DARS1: variants seen among roughly 807,000 people sequenced by gnomAD.
DARS1 encodes aspartate--tRNA ligase, cytoplasmic.
Under a neutral mutation model 68.8 loss-of-function variants are expected in DARS1, and 51 were observed. The observed-to-expected ratio is 0.74, with a 90% CI of 0.59 to 0.94. The LOEUF is 0.94. Ranked by LOEUF, DARS1 falls within the 40% of genes least tolerant of loss-of-function variation. The pLI, the probability that DARS1 is intolerant of heterozygous loss-of-function variation, is 0.00. For synonymous variants in DARS1, 203 were observed against 190.4 expected (o/e 1.07, Z -0.55); for missense variants, 607 against 597.3 (o/e 1.02, Z -0.17).
chr2:135,972,175 A>C (rs1303538890), intron 3 of DARS1, among the ~76,000 whole-genome samples: 1 of 152,202 alleles, frequency 6.6e-6, no homozygotes, highest in African/African-American at 2.4e-5. Context: ...ACTTACCTTC[A>C]AATTATACTA....
At chr2:135,973,715 T>C (rs1243583891) in intron 3 of DARS1, among the ~76,000 whole-genome samples, 1 of 151,022 alleles carries the variant, frequency 6.6e-6, no homozygotes, top group African/African-American at 2.4e-5. Flanking sequence ...AAATAAAAAA[T>C]AAAAATTAGC....
intron 4 of DARS1, among the ~76,000 whole-genome samples, chr2:135,951,990 C>T (rs1449386733): frequency 6.6e-6 from 1 of 152,194 alleles, no homozygotes; most frequent in African/African-American, 2.4e-5. Context: ...CCTGTAGTCC[C>T]TGCACTTTGG....
intron 4 of DARS1, among the ~76,000 whole-genome samples, chr2:135,953,414 T>A (rs1234942676): frequency 2.0e-5 from 3 of 152,224 alleles, no homozygotes; most frequent in Non-Finnish European, 4.4e-5. Flanking sequence ...ATTTTCAACA[T>A]CAGTGGCATA....
At chr2:135,921,964 T>C (rs759599892) in intron 9 of DARS1, among the ~76,000 whole-genome samples, 88 of 152,220 alleles carry the variant, frequency 5.8e-4, no homozygotes, top group Non-Finnish European at 6.3e-4. Context: ...AGCAAGTATT[T>C]AATTTTTATT....
intron 3 of DARS1, among the ~76,000 whole-genome samples, chr2:135,977,175 A>C (rs1682519862): frequency 6.6e-6 from 1 of 152,230 alleles, no homozygotes; most frequent in African/African-American, 2.4e-5. Flanking sequence ...TGCACCAAGC[A>C]TAGAGCTAAA....
intron 5 of DARS1, among the ~76,000 whole-genome samples, chr2:135,934,511 A>C (rs1334180942): frequency 6.6e-6 from 1 of 152,024 alleles, no homozygotes; most frequent in Non-Finnish European, 1.5e-5. Flanking sequence ...AATCCCAGCT[A>C]CTTGGGTGGC....
intron 4 of DARS1, among the ~76,000 whole-genome samples, chr2:135,946,593 G>A (rs1395153418): frequency 6.6e-6 from 1 of 152,168 alleles, no homozygotes; most frequent in East Asian, 1.9e-4. Context: ...CACTGGGGTA[G>A]AGAACAAGAA....
intron 4 of DARS1, among the ~76,000 whole-genome samples, chr2:135,952,458 C>T (rs900232190): frequency 6.6e-6 from 1 of 152,136 alleles, no homozygotes; most frequent in Non-Finnish European, 1.5e-5. Flanking sequence ...TTGAAATATG[C>T]AATATTGTTA....
In DARS1 at chr2:135,962,303, T is replaced by C. The variant is rs189938650; in HGVS notation, c.218-805A>G. On this transcript the variant is annotated intron_variant, in intron 3 of 15. Transcript: ENST00000264161. The stretch of plus-strand genomic sequence containing the variant: ...TTATTATGTATCCTTGTGACATCCC[T>C]TTTTCCTCCAAAGCAGATCCTTCTT... 2.7e-3 allele frequency among the ~76,000 whole-genome samples: 416 copies of C among 152,310 alleles called. 4 individuals carry two copies. Among genetic ancestry groups the C allele is most frequent in the South Asian group, 0.015 (74 of 4,826 alleles).
At chr2:135,936,943 G>C (rs1681484573) in intron 5 of DARS1, among the ~76,000 whole-genome samples, 1 of 152,182 alleles carries the variant, frequency 6.6e-6, no homozygotes. Flanking sequence ...ATCAGGGCGG[G>C]AAGAGGCCAT....
At chr2:135,942,645 A>G (rs1430618152) in intron 5 of DARS1, among the ~76,000 whole-genome samples, 1 of 152,200 alleles carries the variant, frequency 6.6e-6, no homozygotes, top group Non-Finnish European at 1.5e-5. Context: ...CTAGAACTTA[A>G]AGTATAAAAA....
At chr2:135,964,840 C>CAAAAAAAA (rs372676148) in intron 3 of DARS1, among the ~76,000 whole-genome samples, 13 of 49,614 alleles carry the variant, frequency 2.6e-4, no homozygotes, top group Non-Finnish European at 3.9e-4. Context: ...GACTCCACCT[C>CAAAAAAAA]AAAAAAAAAA....
At chr2:135,978,437 G>C (rs915327294) in intron 3 of DARS1, among the ~76,000 whole-genome samples, 2 of 152,168 alleles carry the variant, frequency 1.3e-5, no homozygotes, top group African/African-American at 4.8e-5. Flanking sequence ...GCTTCATTCT[G>C]AACGTGTTTC....
At chr2:135,945,552 CTCTTCTT>C (rs1681702326) in intron 4 of DARS1, among the ~76,000 whole-genome samples, 1 of 152,186 alleles carries the variant, frequency 6.6e-6, no homozygotes, top group Admixed American at 6.5e-5. Flanking sequence ...AAAAAATTCC[CTCTTCTT>C]TCTCATTCAA....
intron 11 of DARS1, among the ~76,000 whole-genome samples, chr2:135,915,604 A>G (rs1299775493): frequency 6.6e-6 from 1 of 152,186 alleles, no homozygotes; most frequent in Non-Finnish European, 1.5e-5. Flanking sequence ...TTATTAAACT[A>G]CATAATTTGT....
At chr2:135,968,130 C>T (rs1682279497) in intron 3 of DARS1, among the ~76,000 whole-genome samples, 1 of 151,954 alleles carries the variant, frequency 6.6e-6, no homozygotes, top group Non-Finnish European at 1.5e-5. Context: ...TATGGTGGTG[C>T]ATGCCTGTAG....
At chr2:135,954,153 C>T (rs764160749) in intron 4 of DARS1, among the ~76,000 whole-genome samples, 14 of 151,594 alleles carry the variant, frequency 9.2e-5, no homozygotes, top group Non-Finnish European at 1.8e-4. Flanking sequence ...CTAAATGGAG[C>T]TATAATGTGG....
At chr2:135,948,632 G>A (rs1050327386) in intron 4 of DARS1, among the ~76,000 whole-genome samples, 9 of 152,050 alleles carry the variant, frequency 5.9e-5, no homozygotes, top group Admixed American at 6.5e-5. Flanking sequence ...TGGGAGGCCA[G>A]GGCGGGTGGA....
intron 3 of DARS1, 87 bp downstream of exon 3, chr2:135,979,187 A>G (rs1682565823): frequency 1.4e-6 from 1 of 737,436 alleles, no homozygotes; most frequent in East Asian, 2.5e-5. Context: ...TTTGTTTTTA[A>G]AGATTTACTT....
Sources: gnomAD v4.1 joint callset for allele counts (sites outside exome capture counted in the v4.1 genomes callset) on GRCh38, gnomAD v4.1.1 for gene constraint, MANE v1.5 for transcripts, NCBI Gene and HGNC (gene_info 2026-07-23, HGNC 2026-07-21) for gene names.